The following PDE11A variants were observed in gnomAD, a reference collection of about 807,000 sequenced individuals.
PDE11A encodes the protein dual 3',5'-cyclic-AMP and -GMP phosphodiesterase 11A.
Under a neutral mutation model 100.5 loss-of-function variants are expected in PDE11A, and 100 were observed. That is an observed-to-expected ratio of 1.00 (90% CI 0.85 to 1.18). The LOEUF is 1.18. PDE11A is among the 50% of genes most tolerant of loss of function. The probability of loss-of-function intolerance (pLI) is 0.00; values close to 1 mark genes in which losing one functional copy is unlikely to be tolerated. For missense variants in PDE11A, 1,141 were observed against 1,152.6 expected, an observed-to-expected ratio of 0.99 and a Z score of 0.15; for synonymous variants, 381 against 420.8, an observed-to-expected ratio of 0.91 and a Z score of 1.16.
chr2:177,709,693 G>A (rs1238243721), intron 13 of PDE11A, among the ~76,000 whole-genome samples: 1 of 152,168 alleles, frequency 6.6e-6, no homozygotes, highest in Admixed American at 6.5e-5. Context: ...AGGGACAGAG[G>A]CCTGAAACCA....
At chr2:177,719,340 A>G (rs1339510367) in intron 12 of PDE11A, among the ~76,000 whole-genome samples, 2 of 152,182 alleles carry the variant, frequency 1.3e-5, no homozygotes, top group African/African-American at 4.8e-5. Flanking sequence ...AGAAATTCCT[A>G]ATGGTTGCAG....
intron 13 of PDE11A, among the ~76,000 whole-genome samples, chr2:177,705,823 G>A (rs2081269932): frequency 6.6e-6 from 1 of 152,200 alleles, no homozygotes; most frequent in Non-Finnish European, 1.5e-5. Flanking sequence ...GGACCTGGCC[G>A]AAAGCGACAA....
intron 1 of PDE11A, among the ~76,000 whole-genome samples, chr2:178,024,650 C>T (rs2086456878): frequency 6.6e-6 from 1 of 152,062 alleles, no homozygotes; most frequent in South Asian, 2.1e-4. Flanking sequence ...TTTCAAATGC[C>T]TTATGGAGTT....
At chr2:177,853,690 GTGTGTGTGTGTGTGTGTGTGTGTT>G (rs1192804786) in intron 5 of PDE11A, among the ~76,000 whole-genome samples, 37 of 31,064 alleles carry the variant, frequency 1.2e-3, no homozygotes, top group African/African-American at 3.3e-3. Context: ...ATGTGTGTGT[GTGTGTGTGTGTGTGTGTGTGTGTT>G]TGTGTGTGTG....
intron 5 of PDE11A, among the ~76,000 whole-genome samples, chr2:177,841,929 T>C (rs899634053): frequency 6.6e-6 from 1 of 152,222 alleles, no homozygotes; most frequent in Non-Finnish European, 1.5e-5. Flanking sequence ...CTTTTTGCTG[T>C]TTTATATGCA....
At chr2:177,977,253 A>C (rs2085821250) in intron 2 of PDE11A, among the ~76,000 whole-genome samples, 1 of 128,668 alleles carries the variant, frequency 7.8e-6, no homozygotes. Context: ...CTCAGGATAC[A>C]AAATCAATGT....
chr2:177,896,749 A>G (rs572779289), intron 4 of PDE11A, among the ~76,000 whole-genome samples: 1 of 152,164 alleles, frequency 6.6e-6, no homozygotes, highest in Non-Finnish European at 1.5e-5. Flanking sequence ...AGTAACACCT[A>G]CCTTATAAGA....
At chr2:177,771,829 C>T (rs2082314855) in intron 9 of PDE11A, among the ~76,000 whole-genome samples, 1 of 151,864 alleles carries the variant, frequency 6.6e-6, no homozygotes, top group African/African-American at 2.4e-5. Flanking sequence ...ATGATGAAAC[C>T]CCACCTCTAC....
chr2:177,840,137 T>C, intron 6 of PDE11A, 114 bp downstream of exon 6: 1 of 1,092,252 alleles, frequency 9.2e-7, no homozygotes, highest in Non-Finnish European at 1.4e-6. Context: ...AAAAATAAGA[T>C]CACAGGGGAA....
chr2:177,885,418 T>C (rs1236160716), intron 4 of PDE11A, among the ~76,000 whole-genome samples: 2 of 152,152 alleles, frequency 1.3e-5, no homozygotes, highest in Non-Finnish European at 1.5e-5. Flanking sequence ...TGTGCATAGA[T>C]TTTGGTATCC....
intron 1 of PDE11A, among the ~76,000 whole-genome samples, chr2:178,044,071 T>C (rs1415302320): frequency 6.6e-6 from 1 of 152,130 alleles, no homozygotes; most frequent in South Asian, 2.1e-4. Context: ...TTGCCATTCT[T>C]CTTGTGACCA....
intron 19 of PDE11A, among the ~76,000 whole-genome samples, chr2:177,651,529 G>A (rs1416400018): frequency 2.6e-5 from 4 of 152,256 alleles, no homozygotes; most frequent in Admixed American, 6.5e-5. Flanking sequence ...TGAGGATGGC[G>A]AGTCCTCAGT....
At chr2:177,940,626 A>T (rs1208159035) in intron 2 of PDE11A, among the ~76,000 whole-genome samples, 1 of 152,242 alleles carries the variant, frequency 6.6e-6, no homozygotes, top group African/African-American at 2.4e-5. Flanking sequence ...TTAAAATACA[A>T]GCAATTCACT....
At chr2:177,709,119 A>T (rs778647925) in intron 13 of PDE11A, among the ~76,000 whole-genome samples, 2 of 152,176 alleles carry the variant, frequency 1.3e-5, no homozygotes, top group Non-Finnish European at 2.9e-5. Flanking sequence ...AGCTGCGGCG[A>T]GTGGGCACTG....
intron 9 of PDE11A, among the ~76,000 whole-genome samples, chr2:177,790,608 C>A (rs2082615304): frequency 6.6e-6 from 1 of 152,104 alleles, no homozygotes; most frequent in Admixed American, 6.6e-5. Context: ...AGGCAACCTA[C>A]AAAATGGGAG....
intron 1 of PDE11A, chr2:178,104,535 CG>C: frequency 4.9e-6 from 7 of 1,429,094 alleles, no homozygotes; most frequent in Non-Finnish European, 6.8e-6. Context: ...TTTTCAAAGC[CG>C]GGGAGAAAAA....
At chr2:177,672,495 C>T (rs2080698474) in intron 17 of PDE11A, among the ~76,000 whole-genome samples, 1 of 152,090 alleles carries the variant, frequency 6.6e-6, no homozygotes, top group African/African-American at 2.4e-5. Flanking sequence ...GAAAAAGACC[C>T]TAAAATATGT....
intron 5 of PDE11A, among the ~76,000 whole-genome samples, chr2:177,849,295 C>T (rs889408140): frequency 1.3e-5 from 2 of 152,062 alleles, no homozygotes; most frequent in African/African-American, 4.8e-5. Context: ...TGATAAATGG[C>T]CTAATGGAAG....
chr2:177,797,621 A>G (rs540782642), intron 9 of PDE11A, among the ~76,000 whole-genome samples: 1 of 152,256 alleles, frequency 6.6e-6, no homozygotes, highest in Admixed American at 6.5e-5. Context: ...CCAAATAACA[A>G]TTACTTCTTA....
Sources: gnomAD v4.1 joint callset for allele counts (sites outside exome capture counted in the v4.1 genomes callset) on GRCh38, gnomAD v4.1.1 for gene constraint, MANE v1.5 for transcripts, NCBI Gene and HGNC (gene_info 2026-07-23, HGNC 2026-07-21) for gene names.